The following CCNY variants were observed in gnomAD, a reference collection of about 807,000 sequenced individuals.
CCNY encodes the protein cyclin-Y.
Under a neutral mutation model 42.8 loss-of-function variants are expected in CCNY, and 19 were observed. That is an observed-to-expected ratio of 0.44 (90% CI 0.31 to 0.65). CCNY has a LOEUF of 0.65. CCNY is among the 30% of genes least tolerant of loss of function. The pLI is 0.07. For missense variants in CCNY, 370 were observed against 437.3 expected (o/e 0.85, Z 1.37); for synonymous variants, 165 against 162.7 (o/e 1.01, Z -0.11).
At chr10:35,253,977 G>A (rs1030153076) in intron 3 of CCNY, among the ~76,000 whole-genome samples, 10 of 150,002 alleles carry the variant, frequency 6.7e-5, no homozygotes, top group African/African-American at 2.0e-4. Flanking sequence ...CCGGGTTCAC[G>A]CCATTCTCCT....
At chr10:35,323,526 C>T (rs199686567) in intron 3 of CCNY, among the ~76,000 whole-genome samples, 6 of 77,710 alleles carry the variant, frequency 7.7e-5, no homozygotes, top group Admixed American at 4.6e-4. Context: ...AGAAACCTTA[C>T]ACACAAGAGT....
At chr10:35,396,392 A>G (rs982348571) in intron 1 of CCNY, among the ~76,000 whole-genome samples, 4 of 152,168 alleles carry the variant, frequency 2.6e-5, no homozygotes, top group Admixed American at 1.3e-4. Context: ...GAGTTGTAAG[A>G]GGCAGGTGCC....
At chr10:35,279,787 T>C (rs975280322) in intron 3 of CCNY, among the ~76,000 whole-genome samples, 1 of 152,180 alleles carries the variant, frequency 6.6e-6, no homozygotes, top group Non-Finnish European at 1.5e-5. Flanking sequence ...AGGGCAGCCT[T>C]CCCTGTGAGG....
At chr10:35,558,031 T>TA (rs1320312556) in intron 8 of CCNY, among the ~76,000 whole-genome samples, 1 of 152,204 alleles carries the variant, frequency 6.6e-6, no homozygotes, top group African/African-American at 2.4e-5. Context: ...GTTTTTGAAT[T>TA]ATATGCTAAA....
chr10:35,499,689 G>C (rs1330637699), intron 2 of CCNY, among the ~76,000 whole-genome samples: 1 of 152,164 alleles, frequency 6.6e-6, no homozygotes, highest in East Asian at 1.9e-4. Flanking sequence ...ATGGGTGGTG[G>C]TTCCCACAGT....
intron 3 of CCNY, among the ~76,000 whole-genome samples, chr10:35,308,618 G>A (rs1835643559): frequency 6.6e-6 from 1 of 152,074 alleles, no homozygotes; most frequent in Non-Finnish European, 1.5e-5. Flanking sequence ...GGTGTGGAGG[G>A]CAGGGACCCA....
intron 2 of CCNY, among the ~76,000 whole-genome samples, chr10:35,494,749 G>A (rs1247949582): frequency 6.6e-6 from 1 of 152,136 alleles, no homozygotes; most frequent in Non-Finnish European, 1.5e-5. Context: ...ATTTCTGTTG[G>A]CATGTTCATA....
chr10:35,354,188 T>G (rs1054184140), intron 1 of CCNY, among the ~76,000 whole-genome samples: 3 of 150,914 alleles, frequency 2.0e-5, no homozygotes, highest in Non-Finnish European at 3.0e-5. Context: ...CATAGTCTTT[T>G]TTTTTTTTTT....
At chr10:35,481,540 T>C (rs1224796728) in intron 1 of CCNY, among the ~76,000 whole-genome samples, 2 of 152,156 alleles carry the variant, frequency 1.3e-5, no homozygotes, top group Non-Finnish European at 2.9e-5. Flanking sequence ...GGTAGATGAG[T>C]CTCAGTTGGG....
chr10:35,275,183 C>A (rs1430554324), intron 3 of CCNY, among the ~76,000 whole-genome samples: 2 of 150,176 alleles, frequency 1.3e-5, no homozygotes, highest in Non-Finnish European at 3.0e-5. Flanking sequence ...TCTACCTCAG[C>A]CTCCCAAATA....
chr10:35,537,488 G>A (rs997121149), intron 7 of CCNY, among the ~76,000 whole-genome samples: 1 of 152,212 alleles, frequency 6.6e-6, no homozygotes, highest in Non-Finnish European at 1.5e-5. Flanking sequence ...CTCAATGCCA[G>A]CCTGTGAAAG....
chr10:35,516,586 ACAGT>A lies in CCNY; in HGVS notation c.335_338del (p.Ser112AsnfsTer30). Reference sequence around the variant, plus strand: ...CTCCACCATTTTCCTAGATGATAGCACAGTCAGTCAACCAAACCTCAAGTATACA... The same window carrying A: ...CTCCACCATTTTCCTAGATGATAGCACAGTCAACCAAACCTCAAGTATACA... On this transcript the variant is annotated frameshift_variant, in exon 4 of 10. Transcript: ENST00000374704. LOFTEE classifies it high-confidence loss of function. 1.2e-6 allele frequency: 2 copies of A among 1,612,400 alleles called. No individual in the cohort carries two copies. The highest frequency in any genetic ancestry group is 1.7e-6 in the Non-Finnish European group (2 of 1,179,386).
At chr10:35,338,925 A>G (rs1178771894) in intron 1 of CCNY, among the ~76,000 whole-genome samples, 1 of 152,238 alleles carries the variant, frequency 6.6e-6, no homozygotes, top group East Asian at 1.9e-4. Flanking sequence ...GGCTCAGTAC[A>G]ATTTTGCCAG....
chr10:35,252,556 A>G (rs1174237001), intron 3 of CCNY, among the ~76,000 whole-genome samples: 2 of 127,840 alleles, frequency 1.6e-5, no homozygotes, highest in African/African-American at 3.1e-5. Context: ...ACAGAGCAAG[A>G]CTCCGTCTCA....
intron 3 of CCNY, among the ~76,000 whole-genome samples, chr10:35,288,780 A>T (rs1440795985): frequency 6.6e-6 from 1 of 152,194 alleles, no homozygotes; most frequent in Non-Finnish European, 1.5e-5. Flanking sequence ...GTTGGAAATC[A>T]ATTGGCCAAA....
At chr10:35,344,466 C>T (rs558288429) in intron 1 of CCNY, among the ~76,000 whole-genome samples, 87 of 152,208 alleles carry the variant, frequency 5.7e-4, no homozygotes, top group Admixed American at 1.5e-3. Context: ...CTGAGGCAGG[C>T]GGATCATGAG....
chr10:35,444,552 CTGTT>C (rs771429924), intron 1 of CCNY, among the ~76,000 whole-genome samples: 2 of 152,170 alleles, frequency 1.3e-5, no homozygotes, highest in African/African-American at 4.8e-5. Flanking sequence ...CTGGCTATAA[CTGTT>C]TGACTGGCAG....
intron 3 of CCNY, among the ~76,000 whole-genome samples, chr10:35,317,619 G>A (rs1835775345): frequency 6.6e-6 from 1 of 152,204 alleles, no homozygotes; most frequent in South Asian, 2.1e-4. Context: ...TGACCACGTG[G>A]CATCTCTGAG....
intron 2 of CCNY, among the ~76,000 whole-genome samples, chr10:35,249,137 T>C (rs983658738): frequency 6.6e-6 from 1 of 152,108 alleles, no homozygotes; most frequent in African/African-American, 2.4e-5. Context: ...GAGGCAGGTA[T>C]TAACATGTTG....
Sources: gnomAD v4.1 joint callset for allele counts (sites outside exome capture counted in the v4.1 genomes callset) on GRCh38, gnomAD v4.1.1 for gene constraint, MANE v1.5 for transcripts, NCBI Gene and HGNC (gene_info 2026-07-23, HGNC 2026-07-21) for gene names.